SLC25A26: variants seen among roughly 807,000 people sequenced by gnomAD.
SLC25A26 encodes solute carrier family 25 member 26, also known as mitochondrial S-adenosylmethionine carrier protein.
Under a neutral mutation model 37.8 loss-of-function variants are expected in SLC25A26, and 36 were observed. The observed-to-expected ratio is 0.95, with a 90% CI of 0.73 to 1.26. The LOEUF (loss-of-function observed/expected upper bound fraction) is 1.26, where lower values mean the gene tolerates loss of function less well. Among genes scored for constraint, SLC25A26 ranks in the 50% most tolerant of loss-of-function variants. The probability of loss-of-function intolerance (pLI) is 0.00; values close to 1 mark genes in which losing one functional copy is unlikely to be tolerated. For synonymous variants in SLC25A26, 129 were observed against 122.5 expected, an observed-to-expected ratio of 1.05 and a Z score of -0.35; for missense variants, 390 against 331.1, an observed-to-expected ratio of 1.18 and a Z score of -1.38.
At position 66,307,530 on chromosome 3, in the gene SLC25A26, G is replaced by A. The variant is rs368531166; in HGVS notation, c.454-38834G>A. On this transcript the variant is annotated intron_variant, in intron 5 of 9. Coordinates refer to ENST00000354883, the MANE Select transcript of SLC25A26 (RefSeq NM_001379210.1). ...TAATTAGATCCCATTTGTCAATTTT[G>A]GCTGTTGTTGCCGTTGCTTTTGGTG... Among the ~76,000 whole-genome samples, 13 of 152,280 alleles carry A rather than the reference G, an allele frequency of 8.5e-5. No homozygotes were observed. The East Asian group carries it at 9.6e-4, about 11-fold the overall frequency.
chr3:66,299,270 C>T (rs2075000879), intron 5 of SLC25A26, among the ~76,000 whole-genome samples: 1 of 152,160 alleles, frequency 6.6e-6, no homozygotes, highest in East Asian at 1.9e-4. Context: ...CGACTCACTG[C>T]AACCTCCGCC....
Position 66,363,786 on chromosome 3 carries a change from T to C in SLC25A26, c.568+857T>C, listed in dbSNP as rs754118800. ...GTCATTTTTGTTGTTGTTGTCGTGA[T>C]TGAGAAAACAAAATGTTCATTTTAT... On this transcript the variant is annotated intron_variant, in intron 7 of 9. Coordinates refer to ENST00000354883, the MANE Select transcript of SLC25A26 (RefSeq NM_001379210.1). Among the ~76,000 whole-genome samples the C allele has an allele frequency of 8.4e-4, 128 of 152,218 alleles. 1 individual carries two copies. Among genetic ancestry groups the C allele is most frequent in the Non-Finnish European group, 9.8e-4 (67 of 68,034 alleles).
chr3:66,262,044 C>G lies in SLC25A26; in HGVS notation c.301-7C>G. The stretch of plus-strand genomic sequence containing the variant: ...CTTTTTAGGATATAATCAAATTTGT[C>G]TTTTAGGTTGCCTGCCTGATTCGAG... On this transcript the variant is annotated splice_region_variant and splice_polypyrimidine_tract_variant and intron_variant, in intron 3 of 9. Coordinates refer to ENST00000354883, the MANE Select transcript of SLC25A26 (RefSeq NM_001379210.1). 1.3e-6 allele frequency: 2 copies of G among 1,537,102 alleles called. No individual in the cohort carries two copies. Among genetic ancestry groups the G allele is most frequent in the Admixed American group, 2.0e-5 (1 of 50,300 alleles).
At position 66,356,014 on chromosome 3, in the gene SLC25A26, AT is replaced by A. The variant is rs202041739; in HGVS notation, c.499-6845del. On this transcript the variant is annotated intron_variant, in intron 6 of 9. Coordinates refer to ENST00000354883, the MANE Select transcript of SLC25A26 (RefSeq NM_001379210.1). Reference sequence around the variant, plus strand: ...ACATGTATAAAAAGCATATAGTAAAATATCATCATCTTGTAGGGTTGGAAGC... The same window carrying A: ...ACATGTATAAAAAGCATATAGTAAAAATCATCATCTTGTAGGGTTGGAAGC... The A allele has an allele frequency of 3.3e-3, 1,502 of 456,242 alleles. 23 individuals are homozygous for A. The highest frequency in any genetic ancestry group is 0.014 in the African/African-American group (715 of 50,204). The allele number at this position is 456,242 out of a possible 1,614,324, so 28.3% of individuals were successfully genotyped here.
chr3:66,150,542 TATAAA>T, intron 1 of SLC25A26, among the ~76,000 whole-genome samples: 1 of 129,640 alleles, frequency 7.7e-6, no homozygotes, highest in Non-Finnish European at 1.6e-5. Context: ...TATATATATA[TATAAA>T]ATATATATAA....
At chr3:66,227,138 A>G (rs561086084) in intron 1 of SLC25A26, among the ~76,000 whole-genome samples, 2 of 152,192 alleles carry the variant, frequency 1.3e-5, no homozygotes, top group Non-Finnish European at 2.9e-5. Context: ...TTTAATGCGA[A>G]GACTTGCTGA....
intron 6 of SLC25A26, among the ~76,000 whole-genome samples, chr3:66,346,820 A>C (rs1360251614): frequency 6.6e-6 from 1 of 151,584 alleles, no homozygotes; most frequent in Non-Finnish European, 1.5e-5. Flanking sequence ...AAAGCCTTGA[A>C]TACTTGAAGA....
chr3:66,255,663 A>G (rs1368447458), intron 3 of SLC25A26, among the ~76,000 whole-genome samples: 4 of 152,220 alleles, frequency 2.6e-5, no homozygotes, highest in African/African-American at 7.2e-5. Context: ...TGGATTTACC[A>G]AGAGACCCAC....
At chr3:66,331,898 C>A (rs1324280584) in intron 5 of SLC25A26, among the ~76,000 whole-genome samples, 1 of 152,052 alleles carries the variant, frequency 6.6e-6, no homozygotes, top group African/African-American at 2.4e-5. Context: ...TCAGCTTTCC[C>A]CACACCCAGC....
chr3:66,216,224 A>G (rs2106847400), upstream of SLC25A26, among the ~76,000 whole-genome samples: 1 of 152,312 alleles, frequency 6.6e-6, no homozygotes, highest in South Asian at 2.1e-4. Context: ...ATTTTTCAAT[A>G]AAAATCAGTA....
intron 5 of SLC25A26, among the ~76,000 whole-genome samples, chr3:66,344,658 G>A (rs2076280167): frequency 6.6e-6 from 1 of 152,222 alleles, no homozygotes; most frequent in Admixed American, 6.5e-5. Flanking sequence ...CGTGTTCGTG[G>A]GCATCGCCAC....
intron 5 of SLC25A26, among the ~76,000 whole-genome samples, chr3:66,344,322 G>A (rs2076273057): frequency 6.6e-6 from 1 of 152,078 alleles, no homozygotes; most frequent in Non-Finnish European, 1.5e-5. Context: ...AATTAGCCAG[G>A]CGTGGTGGCA....
chr3:66,356,825 C>T, intron 6 of SLC25A26, among the ~76,000 whole-genome samples: 1 of 151,968 alleles, frequency 6.6e-6, no homozygotes, highest in Non-Finnish European at 1.5e-5. Context: ...GACAGGGTCT[C>T]CCTGTGTTGC....
intron 1 of SLC25A26, among the ~76,000 whole-genome samples, chr3:66,158,775 A>G (rs1218336769): frequency 2.0e-5 from 3 of 152,142 alleles, no homozygotes; most frequent in Admixed American, 6.5e-5. Context: ...TATGAGGACA[A>G]TCATGAGTGT....
intron 5 of SLC25A26, among the ~76,000 whole-genome samples, chr3:66,313,073 G>A (rs986564066): frequency 7.9e-5 from 12 of 152,186 alleles, no homozygotes; most frequent in Admixed American, 6.5e-4. Context: ...CCACTCTGTA[G>A]GTTGCCTGTT....
chr3:66,208,836 G>A (rs1464709959), intron 1 of SLC25A26, among the ~76,000 whole-genome samples: 4 of 114,850 alleles, frequency 3.5e-5, no homozygotes, highest in Non-Finnish European at 7.1e-5. Context: ...TTATATGGGT[G>A]TACATATATA....
intron 5 of SLC25A26, 80 bp downstream of exon 5, chr3:66,263,459 G>T: frequency 1.2e-6 from 1 of 851,878 alleles, no homozygotes; most frequent in South Asian, 1.6e-5. Context: ...TTAACAATTA[G>T]AAATATATTT....
chr3:66,261,151 G>A (rs770607112), intron 3 of SLC25A26, among the ~76,000 whole-genome samples: 1 of 152,162 alleles, frequency 6.6e-6, no homozygotes, highest in Non-Finnish European at 1.5e-5. Flanking sequence ...TCATGTTCAA[G>A]GTTACATATG....
chr3:66,252,284 T>G (rs1300344540), intron 3 of SLC25A26, among the ~76,000 whole-genome samples: 1 of 152,228 alleles, frequency 6.6e-6, no homozygotes. Context: ...TTTCAATATT[T>G]GAGTTGTATA....
Sources: gnomAD v4.1 joint callset for allele counts (sites outside exome capture counted in the v4.1 genomes callset) on GRCh38, gnomAD v4.1.1 for gene constraint, MANE v1.5 for transcripts, NCBI Gene and HGNC (gene_info 2026-07-23, HGNC 2026-07-21) for gene names.